SIL1: variants seen among roughly 807,000 people sequenced by gnomAD.
SIL1 encodes the protein nucleotide exchange factor SIL1.
Under a neutral mutation model 49.1 loss-of-function variants are expected in SIL1, and 40 were observed. That is an observed-to-expected ratio of 0.81 (90% CI 0.63 to 1.06). SIL1 has a LOEUF of 1.06. Among genes scored for constraint, SIL1 ranks in the 50% least tolerant of loss-of-function variants. The pLI is 0.00. For missense variants in SIL1, 500 were observed against 572.6 expected, an observed-to-expected ratio of 0.87 and a Z score of 1.29; for synonymous variants, 253 against 250.8, an observed-to-expected ratio of 1.01 and a Z score of -0.08.
Position 139,033,575 on chromosome 5 carries a change from T to A in SIL1, c.454-6583A>T, listed in dbSNP as rs570100153. Reference sequence around the variant, plus strand: ...ATTTTCATTTTTAATCAGTTCAATGTATCTTTTTTTTTTAACCTCCCCTGA... The same window carrying A: ...ATTTTCATTTTTAATCAGTTCAATGAATCTTTTTTTTTTAACCTCCCCTGA... On this transcript the variant is annotated intron_variant, in intron 5 of 9. Transcript: ENST00000394817. 3.3e-3 allele frequency among the ~76,000 whole-genome samples: 498 copies of A among 152,064 alleles called. 1 individual carries two copies. The highest frequency in any genetic ancestry group is 0.011 in the African/African-American group (453 of 41,484).
In SIL1 at chr5:138,965,774, A is replaced by C. The variant is rs553187193; in HGVS notation, c.768-13890T>G. Among the ~76,000 whole-genome samples, 5 of 140,158 alleles carry C rather than the reference A, an allele frequency of 3.6e-5. No individual in the cohort carries two copies. The East Asian group carries it at 1.0e-3, about 29-fold the overall frequency. 91.9% of individuals were successfully genotyped at this position (140,158 alleles called of 152,430 possible). ...CTGGAGCCACACAGATTTGACTTTGAATCCTGGACTTCTTTCTGTACAACC... is the reference window on the plus strand; with the variant it reads ...CTGGAGCCACACAGATTTGACTTTGCATCCTGGACTTCTTTCTGTACAACC... On this transcript the variant is annotated intron_variant, in intron 7 of 9. Transcript: ENST00000394817.
intron 3 of SIL1, among the ~76,000 whole-genome samples, chr5:139,055,886 C>T (rs978664583): frequency 3.7e-4 from 57 of 152,098 alleles, no homozygotes; most frequent in African/African-American, 1.2e-3. Context: ...TTGGCCGGGC[C>T]AGTCTCCAGC....
At chr5:139,103,584 C>T (rs184770451) in intron 3 of SIL1, among the ~76,000 whole-genome samples, 1 of 152,324 alleles carries the variant, frequency 6.6e-6, no homozygotes, top group Admixed American at 6.5e-5. Flanking sequence ...CACAGCAGTA[C>T]TAAACATGGG....
intron 1 of SIL1, among the ~76,000 whole-genome samples, chr5:139,192,474 G>A (rs1752191817): frequency 6.6e-6 from 1 of 152,160 alleles, no homozygotes; most frequent in Admixed American, 6.5e-5. Context: ...TAGCCTATGA[G>A]CAGACCTCAG....
intron 1 of SIL1, among the ~76,000 whole-genome samples, chr5:139,160,173 ACACACACACACAC>A: frequency 6.6e-6 from 1 of 151,640 alleles, no homozygotes; most frequent in Non-Finnish European, 1.5e-5. Context: ...ACACACACAC[ACACACACACACAC>A]AAAAGTTATA....
At chr5:139,091,070 T>C (rs956238672) in intron 3 of SIL1, among the ~76,000 whole-genome samples, 1 of 152,180 alleles carries the variant, frequency 6.6e-6, no homozygotes, top group African/African-American at 2.4e-5. Context: ...AAAGAAAGCA[T>C]AGGTCAACTA....
intron 1 of SIL1, among the ~76,000 whole-genome samples, chr5:139,151,910 G>A (rs1386765266): frequency 6.6e-6 from 1 of 152,196 alleles, no homozygotes; most frequent in African/African-American, 2.4e-5. Flanking sequence ...AGGGAGAAAA[G>A]GCAAAGAAGT....
At chr5:139,014,575 G>A (rs1366618009) in intron 7 of SIL1, among the ~76,000 whole-genome samples, 1 of 152,160 alleles carries the variant, frequency 6.6e-6, no homozygotes, top group Non-Finnish European at 1.5e-5. Flanking sequence ...AATGCTGAAG[G>A]GACAAGTTTA....
In SIL1 at chr5:139,101,969, A is replaced by T. The variant is rs190799073; in HGVS notation, c.244+19066T>A. 2.0e-5 allele frequency among the ~76,000 whole-genome samples: 3 copies of T among 152,316 alleles called. No homozygotes were observed. In the East Asian group the frequency reaches 5.8e-4, roughly 29 times the overall value. On this transcript the variant is annotated intron_variant, in intron 3 of 9. Coordinates refer to ENST00000394817, the MANE Select transcript of SIL1 (RefSeq NM_022464.5). ...ACTCAAAATCATGGTATTATCTAAA[A>T]CGCCTGGAAAAGAGTTTGCCCTCGC... is the stretch of plus-strand genomic sequence containing the variant.
intron 7 of SIL1, among the ~76,000 whole-genome samples, chr5:138,959,864 C>T (rs1766981182): frequency 6.6e-6 from 1 of 152,236 alleles, no homozygotes; most frequent in Non-Finnish European, 1.5e-5. Context: ...AGTAGCCTCA[C>T]AGAGCTTACA....
At chr5:139,036,345 G>C (rs1193217230) in intron 5 of SIL1, among the ~76,000 whole-genome samples, 2 of 152,096 alleles carry the variant, frequency 1.3e-5, no homozygotes, top group Non-Finnish European at 2.9e-5. Context: ...AAAGGGTCCA[G>C]TTTCAATATT....
chr5:138,996,024 T>C (rs946776763), intron 7 of SIL1, among the ~76,000 whole-genome samples: 4 of 152,246 alleles, frequency 2.6e-5, no homozygotes, highest in African/African-American at 7.2e-5. Flanking sequence ...TTCTTTGATA[T>C]ATTGATTTCC....
At chr5:139,020,138 C>G (rs1393052794) in intron 7 of SIL1, among the ~76,000 whole-genome samples, 1 of 152,188 alleles carries the variant, frequency 6.6e-6, no homozygotes, top group African/African-American at 2.4e-5. Flanking sequence ...ACACCACCAA[C>G]ACAGGGAGCC....
chr5:139,101,533 T>C (rs186210390), intron 3 of SIL1, among the ~76,000 whole-genome samples: 1 of 152,348 alleles, frequency 6.6e-6, no homozygotes, highest in Admixed American at 6.5e-5. Context: ...TGTAGCTTCC[T>C]TTAAGAAGAA....
intron 3 of SIL1, among the ~76,000 whole-genome samples, chr5:139,053,960 C>G (rs1398226447): frequency 6.6e-6 from 1 of 152,160 alleles, no homozygotes; most frequent in African/African-American, 2.4e-5. Context: ...TATAACATGA[C>G]CTGGCTGGCA....
At chr5:139,113,590 T>C (rs1753113040) in intron 3 of SIL1, among the ~76,000 whole-genome samples, 1 of 152,204 alleles carries the variant, frequency 6.6e-6, no homozygotes. Flanking sequence ...CTCTAAGTTA[T>C]AGATCAATTC....
Position 138,966,495 on chromosome 5 carries a change from C to T in SIL1, c.768-14611G>A, listed in dbSNP as rs1055204436. Reference sequence around the variant, plus strand: ...CCAGGCTTCCTCAGGCCATTTCCCTCGGCGGGCGGGTGTAGGGGGGTGGTG... The same window carrying T: ...CCAGGCTTCCTCAGGCCATTTCCCTTGGCGGGCGGGTGTAGGGGGGTGGTG... On this transcript the variant is annotated intron_variant, in intron 7 of 9. Coordinates refer to ENST00000394817, the MANE Select transcript of SIL1 (RefSeq NM_022464.5). 6.6e-5 allele frequency among the ~76,000 whole-genome samples: 10 copies of T among 152,084 alleles called. No homozygotes were observed. In the East Asian group the frequency reaches 7.7e-4, roughly 12 times the overall value.
At chr5:139,174,937 CAAAAAA>C (rs56959325) in intron 1 of SIL1, among the ~76,000 whole-genome samples, 1 of 59,850 alleles carries the variant, frequency 1.7e-5, no homozygotes, top group African/African-American at 8.0e-5. Context: ...GACTGTGTCT[CAAAAAA>C]AAAAAAAAAA....
At chr5:139,125,205 G>A (rs145647932) in intron 2 of SIL1, among the ~76,000 whole-genome samples, 5 of 152,288 alleles carry the variant, frequency 3.3e-5, no homozygotes, top group South Asian at 2.1e-4. Context: ...AGTAAACCCC[G>A]TGCTCTGGTG....
Sources: allele counts gnomAD v4.1 joint callset (sites outside exome capture counted in the v4.1 genomes callset), GRCh38; gene constraint gnomAD v4.1.1; transcripts MANE v1.5; gene names NCBI Gene and HGNC (gene_info 2026-07-23, HGNC 2026-07-21).